GADL1: variants seen among roughly 807,000 people sequenced by gnomAD.
GADL1 encodes acidic amino acid decarboxylase GADL1.
A neutral mutation model predicts 69.5 loss-of-function variants in GADL1; 71 were observed. The observed-to-expected ratio is 1.02, with a 90% CI of 0.84 to 1.25. GADL1 has a LOEUF of 1.25. Among genes scored for constraint, GADL1 ranks in the 50% most tolerant of loss-of-function variants. The probability of loss-of-function intolerance (pLI) is 0.00; values close to 1 mark genes in which losing one functional copy is unlikely to be tolerated. For synonymous variants in GADL1, 254 were observed against 214.4 expected (o/e 1.18, Z -1.62); for missense variants, 737 against 631.8 (o/e 1.17, Z -1.79).
intron 1 of GADL1, among the ~76,000 whole-genome samples, chr3:30,885,827 G>A (rs1382642195): frequency 6.6e-6 from 1 of 151,386 alleles, no homozygotes; most frequent in Non-Finnish European, 1.5e-5. Flanking sequence ...GGCTGGTTTC[G>A]AACTCCTGAT....
chr3:30,836,469 ACTG>A, intron 9 of GADL1, among the ~76,000 whole-genome samples: 1 of 151,992 alleles, frequency 6.6e-6, no homozygotes, highest in Non-Finnish European at 1.5e-5. Flanking sequence ...AACTCCAGAA[ACTG>A]TGAAATTATC....
intron 14 of GADL1, among the ~76,000 whole-genome samples, chr3:30,766,255 GAA>G (rs1696273486): frequency 6.6e-6 from 1 of 152,156 alleles, no homozygotes; most frequent in South Asian, 2.1e-4. Context: ...AAAGCAGAGA[GAA>G]AATACTAGGA....
In GADL1 at chr3:30,855,884, A is replaced by G. The variant is rs181389742; in HGVS notation, c.338-1095T>C. 3.3e-5 allele frequency among the ~76,000 whole-genome samples: 5 copies of G among 151,592 alleles called. No individual in the cohort carries two copies. In the East Asian group the frequency reaches 9.7e-4, roughly 29 times the overall value. ...TCAATAAAAAAACAAGTCTCAAAAG[A>G]AAATGTCTTTTCAGCTTAAACATGG... On this transcript the variant is annotated intron_variant, in intron 3 of 14. Coordinates refer to ENST00000282538, the MANE Select transcript of GADL1 (RefSeq NM_207359.3).
At position 30,872,065 on chromosome 3, in the gene GADL1, A is replaced by G. The variant is rs375795392; in HGVS notation, c.38-10300T>C. Among the ~76,000 whole-genome samples the G allele has an allele frequency of 2.6e-5, 4 of 152,084 alleles. No homozygotes were observed. The East Asian group carries it at 5.8e-4, about 22-fold the overall frequency. Reference sequence around the variant, plus strand: ...TTGTATATCTTAGATTGTCATATTAATAAGGCAGCTCTCCAAACCACCTCC... The same window carrying G: ...TTGTATATCTTAGATTGTCATATTAGTAAGGCAGCTCTCCAAACCACCTCC... On this transcript the variant is annotated intron_variant, in intron 1 of 14. Coordinates refer to ENST00000282538, the MANE Select transcript of GADL1 (RefSeq NM_207359.3).
chr3:30,839,140 A>C (rs756237584), intron 8 of GADL1, 27 bp from the exon 9 acceptor site: 2 of 1,361,060 alleles, frequency 1.5e-6, no homozygotes, highest in South Asian at 1.5e-5. Flanking sequence ...CACACACAAA[A>C]TTATCACTGT....
At chr3:30,773,539 G>T (rs796083601) in intron 14 of GADL1, among the ~76,000 whole-genome samples, 1 of 152,062 alleles carries the variant, frequency 6.6e-6, no homozygotes, top group Non-Finnish European at 1.5e-5. Flanking sequence ...TATTTTACAT[G>T]TACTTAAGTA....
chr3:30,758,860 A>AGT (rs1696047992), intron 14 of GADL1, among the ~76,000 whole-genome samples: 1 of 152,218 alleles, frequency 6.6e-6, no homozygotes, highest in African/African-American at 2.4e-5. Flanking sequence ...CCCTTTTGAT[A>AGT]GTCTTCCCTG....
At chr3:30,794,397 G>A (rs1315935052) in intron 12 of GADL1, among the ~76,000 whole-genome samples, 1 of 152,088 alleles carries the variant, frequency 6.6e-6, no homozygotes, top group East Asian at 1.9e-4. Context: ...AGGCCTAGAA[G>A]GTGCCCTCAG....
chr3:30,816,166 A>T (rs557246440), intron 11 of GADL1, among the ~76,000 whole-genome samples: 1 of 152,068 alleles, frequency 6.6e-6, no homozygotes, highest in South Asian at 2.1e-4. Flanking sequence ...CATTAGAGGA[A>T]TTTGCGATAT....
At chr3:30,855,741 C>A (rs913403817) in intron 3 of GADL1, among the ~76,000 whole-genome samples, 1 of 151,898 alleles carries the variant, frequency 6.6e-6, no homozygotes, top group African/African-American at 2.4e-5. Context: ...AACAAAGAGG[C>A]AGGAGGTCTA....
Position 30,801,008 on chromosome 3 carries a change from T to A in GADL1, c.1131A>T (p.Thr377=), listed in dbSNP as rs760056518. 1.2e-6 allele frequency: 2 copies of A among 1,613,612 alleles called. No individual in the cohort carries two copies. Among genetic ancestry groups the A allele is most frequent in the Admixed American group, 1.7e-5 (1 of 60,006 alleles). The stretch of plus-strand genomic sequence containing the variant: ...TGCTACACTGGATAGACTTGTCTCC[T>A]GTGTCATAGCTCACATCATAGAATT... ...QDKFYDVSYD[T]GDKSIQCSRR... The change falls in exon 12 of 15, where the codon ACA becomes ACT. Residue 377 remains threonine (T), a synonymous_variant. Coordinates refer to ENST00000282538, the MANE Select transcript of GADL1 (RefSeq NM_207359.3).
chr3:30,843,974 G>A (rs1698011714), intron 8 of GADL1, among the ~76,000 whole-genome samples: 1 of 152,194 alleles, frequency 6.6e-6, no homozygotes. Flanking sequence ...CCAGCCACCT[G>A]GGAACAAGAA....
At chr3:30,867,423 C>CATATATATATATATATATATATAT (rs148660336) in intron 1 of GADL1, among the ~76,000 whole-genome samples, 157 of 115,026 alleles carry the variant, frequency 1.4e-3, no homozygotes, top group African/African-American at 4.3e-3. Context: ...TACAATACTA[C>CATATATATATATATATATATATAT]ATATATATAT....
chr3:30,771,837 C>T (rs1211213120), intron 14 of GADL1, among the ~76,000 whole-genome samples: 1 of 152,172 alleles, frequency 6.6e-6, no homozygotes, highest in Non-Finnish European at 1.5e-5. Context: ...GTATGCATAT[C>T]TACAAGTCCC....
chr3:30,807,616 G>GA (rs1378219086), intron 11 of GADL1, among the ~76,000 whole-genome samples: 6 of 152,170 alleles, frequency 3.9e-5, no homozygotes, highest in Admixed American at 2.0e-4. Context: ...GAGAGCTAAG[G>GA]AGCCATCAAA....
intron 11 of GADL1, among the ~76,000 whole-genome samples, chr3:30,815,411 G>T (rs1000171439): frequency 2.0e-5 from 3 of 152,156 alleles, no homozygotes; most frequent in African/African-American, 7.2e-5. Context: ...TGAGAATTAT[G>T]GTTTCCAAAC....
intron 14 of GADL1, among the ~76,000 whole-genome samples, chr3:30,765,982 G>GGT (rs2125488734): frequency 6.6e-6 from 1 of 152,276 alleles, no homozygotes; most frequent in South Asian, 2.1e-4. Flanking sequence ...TATGAAAAGG[G>GGT]GTACTCATGC....
At chr3:30,871,290 G>C (rs1698478664) in intron 1 of GADL1, among the ~76,000 whole-genome samples, 1 of 151,478 alleles carries the variant, frequency 6.6e-6, no homozygotes, top group Admixed American at 6.6e-5. Context: ...AGCGGGACTG[G>C]TGTAAAGTTT....
At chr3:30,759,225 C>T (rs1180399814) in intron 14 of GADL1, among the ~76,000 whole-genome samples, 3 of 150,954 alleles carry the variant, frequency 2.0e-5, no homozygotes, top group Non-Finnish European at 3.0e-5. Flanking sequence ...AGACATCTGT[C>T]TCTTTAGCTC....
Sources: gnomAD v4.1 joint callset for allele counts (sites outside exome capture counted in the v4.1 genomes callset) on GRCh38, gnomAD v4.1.1 for gene constraint, MANE v1.5 for transcripts, NCBI Gene and HGNC (gene_info 2026-07-23, HGNC 2026-07-21) for gene names.